Variants in MCTP1 observed in about 807,000 individuals in gnomAD.
MCTP1 encodes multiple C2 and transmembrane domain containing 1, also known as multiple C2 and transmembrane domain-containing protein 1.
A neutral mutation model predicts 120.6 loss-of-function variants in MCTP1; 69 were observed. That is an observed-to-expected ratio of 0.57 (90% CI 0.47 to 0.70). The LOEUF (loss-of-function observed/expected upper bound fraction) is 0.70, where lower values mean the gene tolerates loss of function less well. Among genes scored for constraint, MCTP1 ranks in the 30% least tolerant of loss-of-function variants. The probability of loss-of-function intolerance (pLI) is 0.00; values close to 1 mark genes in which losing one functional copy is unlikely to be tolerated. For synonymous variants in MCTP1, 529 were observed against 493.1 expected, an observed-to-expected ratio of 1.07 and a Z score of -0.96; for missense variants, 1,203 against 1,248.8, an observed-to-expected ratio of 0.96 and a Z score of 0.55.
chr5:95,187,133 G>T (rs1162752093), intron 1 of MCTP1, among the ~76,000 whole-genome samples: 2 of 152,274 alleles, frequency 1.3e-5, no homozygotes, highest in African/African-American at 4.8e-5. Context: ...GCAGTAAATC[G>T]AAGAGATATT....
At chr5:94,892,476 G>T (rs1802903430) in intron 11 of MCTP1, among the ~76,000 whole-genome samples, 1 of 151,820 alleles carries the variant, frequency 6.6e-6, no homozygotes, top group Non-Finnish European at 1.5e-5. Context: ...ATTACTACCC[G>T]CCCCCTATTG....
chr5:94,991,028 A>C (rs1483000186), intron 2 of MCTP1, among the ~76,000 whole-genome samples: 3 of 152,204 alleles, frequency 2.0e-5, no homozygotes, highest in Non-Finnish European at 4.4e-5. Flanking sequence ...CACAATATCT[A>C]ATTGTAGATC....
At position 94,708,353 on chromosome 5, in the gene MCTP1, A is replaced by AG. The variant is rs1755418643; in HGVS notation, c.2928+158dup. On this transcript the variant is annotated intron_variant, in intron 22 of 22. Coordinates refer to ENST00000515393, the MANE Select transcript of MCTP1 (RefSeq NM_024717.7). ...GTAAGTGCTTCTTGGATAACACCCC[A>AG]GGTGGGCTAAATTTCTGACTGGTAA... 3 of 518,188 alleles carry AG rather than the reference A, an allele frequency of 5.8e-6. No individual in the cohort carries two copies. The South Asian group carries it at 8.2e-5, about 14-fold the overall frequency. The allele number at this position is 518,188 out of a possible 1,614,324, so 32.1% of individuals were successfully genotyped here.
rs1812364774 is a variant in MCTP1, at chr5:94,923,989, A to G, written c.1245T>C (p.Tyr415=). Residue 415 remains tyrosine (Y), a synonymous_variant, in exon 7 of 23, where the codon TAT becomes TAC. Transcript: ENST00000515393. ...TCCAAAAGAGAGACTTCACAGAGAAATAAGATCCAACCACTTCATTTTCTG... is the reference window on the plus strand; with the variant it reads ...TCCAAAAGAGAGACTTCACAGAGAAGTAAGATCCAACCACTTCATTTTCTG... ...ELSENEVVGS[Y]FSVKSLFWRT... 1 of 1,524,288 alleles carries G rather than the reference A, an allele frequency of 6.6e-7. No individual in the cohort carries two copies. The highest frequency in any genetic ancestry group is 2.5e-5 in the East Asian group (1 of 39,472). 94.4% of individuals were successfully genotyped at this position (1,524,288 alleles called of 1,614,324 possible).
At chr5:95,163,926 T>C (rs968536888) in intron 1 of MCTP1, among the ~76,000 whole-genome samples, 2 of 152,224 alleles carry the variant, frequency 1.3e-5, no homozygotes, top group African/African-American at 4.8e-5. Context: ...AGGTATTTCT[T>C]TTACAGCTCT....
intron 1 of MCTP1, among the ~76,000 whole-genome samples, chr5:95,129,949 C>G (rs1333032270): frequency 6.6e-6 from 1 of 151,988 alleles, no homozygotes; most frequent in African/African-American, 2.4e-5. Flanking sequence ...GCATGAGCCA[C>G]CCTGCCCAGC....
At chr5:94,894,244 G>A (rs72775378) in intron 11 of MCTP1, among the ~76,000 whole-genome samples, 1 of 152,154 alleles carries the variant, frequency 6.6e-6, no homozygotes, top group Admixed American at 6.5e-5. Context: ...AGTTACCAGC[G>A]TACTAATTAA....
intron 1 of MCTP1, among the ~76,000 whole-genome samples, chr5:95,165,648 G>A (rs1334819955): frequency 6.6e-6 from 1 of 152,108 alleles, no homozygotes; most frequent in Admixed American, 6.6e-5. Context: ...CCTCAATCTG[G>A]GATATAACAC....
chr5:95,126,426 T>G (rs1324063413), intron 1 of MCTP1, among the ~76,000 whole-genome samples: 1 of 152,156 alleles, frequency 6.6e-6, no homozygotes, highest in East Asian at 1.9e-4. Flanking sequence ...AAACCATGCA[T>G]GCATTTATTT....
intron 2 of MCTP1, among the ~76,000 whole-genome samples, chr5:94,992,382 A>T (rs1171592512): frequency 6.6e-6 from 1 of 152,148 alleles, no homozygotes; most frequent in Non-Finnish European, 1.5e-5. Flanking sequence ...GTAGAATCCC[A>T]TCTACTCTTT....
chr5:94,756,400 A>T (rs1246781655), intron 19 of MCTP1, among the ~76,000 whole-genome samples: 1 of 152,184 alleles, frequency 6.6e-6, no homozygotes, highest in Non-Finnish European at 1.5e-5. Context: ...ATTTGACATT[A>T]GGTGGTGGTT....
At chr5:94,959,986 A>T (rs56894814) in intron 2 of MCTP1, among the ~76,000 whole-genome samples, 25,182 of 152,194 alleles carry the variant, frequency 0.17, 2,281 homozygotes, top group Non-Finnish European at 0.2. Flanking sequence ...AAAATAACAA[A>T]GCTGGATGCA....
chr5:94,952,593 T>A (rs573034681), intron 3 of MCTP1, among the ~76,000 whole-genome samples: 2 of 152,220 alleles, frequency 1.3e-5, no homozygotes, highest in African/African-American at 4.8e-5. Context: ...CAAAAAAGAA[T>A]ATAAGTACCT....
At chr5:94,751,643 G>A (rs997890259) in intron 19 of MCTP1, among the ~76,000 whole-genome samples, 1 of 152,102 alleles carries the variant, frequency 6.6e-6, no homozygotes, top group African/African-American at 2.4e-5. Context: ...AATGCATAAA[G>A]CGTACAGAGC....
chr5:94,871,435 G>T lies in MCTP1; in HGVS notation c.2037-18C>A. 6.6e-7 allele frequency: 1 copy of T among 1,524,788 alleles called. No individual in the cohort carries two copies. The highest frequency in any genetic ancestry group is 9.1e-7 in the Non-Finnish European group (1 of 1,101,584). The allele number at this position is 1,524,788 out of a possible 1,614,324, so 94.5% of individuals were successfully genotyped here. A position where few individuals can be genotyped will look rare whatever the true frequency, so the allele number is the denominator to read the frequency against. On this transcript the variant is annotated intron_variant, in intron 13 of 22. Transcript: ENST00000515393. ...TAATGTTGCTGCATAATAAATATATGTAAGAAAAAAAGATTTCATCAGTAG... is the reference window on the plus strand; with the variant it reads ...TAATGTTGCTGCATAATAAATATATTTAAGAAAAAAAGATTTCATCAGTAG...
intron 1 of MCTP1, among the ~76,000 whole-genome samples, chr5:95,019,135 A>G (rs958489712): frequency 1.3e-5 from 2 of 152,000 alleles, no homozygotes; most frequent in Non-Finnish European, 2.9e-5. Context: ...AAATGTTCTA[A>G]CTTTATTGAG....
In MCTP1 at chr5:95,033,916, T is replaced by C. The variant is rs569879221; in HGVS notation, c.721-16432A>G. Among the ~76,000 whole-genome samples the C allele has an allele frequency of 1.1e-4, 16 of 152,172 alleles. No individual in the cohort carries two copies. The South Asian group carries it at 3.3e-3, about 31-fold the overall frequency. On this transcript the variant is annotated intron_variant, in intron 1 of 22. Coordinates refer to ENST00000515393, the MANE Select transcript of MCTP1 (RefSeq NM_024717.7). ...TGTACACAAGTCAGTAGCATTTCTA[T>C]ACACCAATAATGTTCAAGCTGGGAA...
intron 1 of MCTP1, among the ~76,000 whole-genome samples, chr5:95,279,059 C>A (rs1029950683): frequency 3.3e-5 from 5 of 151,690 alleles, no homozygotes; most frequent in Non-Finnish European, 7.4e-5. Flanking sequence ...ATATATATAA[C>A]CTAACTTCTA....
At position 94,934,741 on chromosome 5, in the gene MCTP1, T is replaced by TA. The variant is rs200868253; in HGVS notation, c.1174-2751_1174-2750insT. Among the ~76,000 whole-genome samples, 412 of 149,972 alleles carry TA rather than the reference T, an allele frequency of 2.7e-3. 1 individual carries two copies. The highest frequency in any genetic ancestry group is 9.7e-3 in the African/African-American group (392 of 40,390). On this transcript the variant is annotated intron_variant, in intron 5 of 22. Transcript: ENST00000515393. Reference sequence around the variant, plus strand: ...AAACTAATCCAAGATAAAGAAGTTTTTTTTTTTTTTTTTTACTCATCAAAG... The same window carrying TA: ...AAACTAATCCAAGATAAAGAAGTTTTATTTTTTTTTTTTTTACTCATCAAAG...
Sources: allele counts gnomAD v4.1 joint callset (sites outside exome capture counted in the v4.1 genomes callset), GRCh38; gene constraint gnomAD v4.1.1; transcripts MANE v1.5; gene names NCBI Gene and HGNC (gene_info 2026-07-23, HGNC 2026-07-21).